Variants in NRG1 observed in about 807,000 individuals in gnomAD.
The protein encoded by NRG1 is neuregulin 1.
A neutral mutation model predicts 63.8 loss-of-function variants in NRG1; 18 were observed. The ratio of observed to expected loss-of-function variants is 0.28; its 90% CI spans 0.19 to 0.42. NRG1 has a LOEUF of 0.42. Among genes scored for constraint, NRG1 ranks in the 10% least tolerant of loss-of-function variants. The pLI is 1.00. For synonymous variants in NRG1, 302 were observed against 301.3 expected (o/e 1.00, Z -0.02); for missense variants, 762 against 814.7 (o/e 0.94, Z 0.79).
chr8:32,684,070 G>A (rs976617732), intron 5 of NRG1, among the ~76,000 whole-genome samples: 4 of 152,162 alleles, frequency 2.6e-5, no homozygotes, highest in South Asian at 2.1e-4. Flanking sequence ...ATTGGTGCAC[G>A]TCTGTGATCC....
chr8:31,835,178 G>T (rs759403181), intron 1 of NRG1, among the ~76,000 whole-genome samples: 16 of 152,242 alleles, frequency 1.1e-4, no homozygotes, highest in Non-Finnish European at 2.2e-4. Flanking sequence ...CTGTGAACTA[G>T]GAATTATGAA....
At chr8:32,258,578 G>T (rs184398559) in intron 1 of NRG1, among the ~76,000 whole-genome samples, 41 of 152,300 alleles carry the variant, frequency 2.7e-4, no homozygotes, top group African/African-American at 9.6e-4. Flanking sequence ...GTACAGTTAT[G>T]TGGAAGAGGA....
At chr8:32,517,712 A>G (rs1453117594) in intron 1 of NRG1, among the ~76,000 whole-genome samples, 4 of 152,276 alleles carry the variant, frequency 2.6e-5, no homozygotes, top group African/African-American at 9.6e-5. Context: ...CCTCATATGG[A>G]GCATAAAATA....
intron 1 of NRG1, among the ~76,000 whole-genome samples, chr8:31,957,408 T>C (rs1206439721): frequency 6.6e-6 from 1 of 152,180 alleles, no homozygotes; most frequent in Non-Finnish European, 1.5e-5. Context: ...TCTTTCTTTC[T>C]ATTTTTAAGT....
chr8:31,757,613 C>G (rs1235361967), intron 1 of NRG1, among the ~76,000 whole-genome samples: 7 of 152,016 alleles, frequency 4.6e-5, no homozygotes, highest in African/African-American at 1.7e-4. Context: ...GAAGATAAGA[C>G]TTGAAGAAAT....
At chr8:32,238,205 G>A (rs1272170278) in intron 1 of NRG1, among the ~76,000 whole-genome samples, 2 of 152,098 alleles carry the variant, frequency 1.3e-5, no homozygotes, top group Admixed American at 1.3e-4. Context: ...GCTCATGCCT[G>A]TAATCCCAGC....
chr8:32,019,254 A>G (rs1212226297), intron 1 of NRG1, among the ~76,000 whole-genome samples: 2 of 152,162 alleles, frequency 1.3e-5, no homozygotes, highest in African/African-American at 4.8e-5. Flanking sequence ...GCCTGCCACC[A>G]GGCCCGGCTA....
chr8:31,715,472 GAAT>G (rs1380388484), intron 1 of NRG1, among the ~76,000 whole-genome samples: 1 of 152,084 alleles, frequency 6.6e-6, no homozygotes, highest in Non-Finnish European at 1.5e-5. Flanking sequence ...ACAGAGGTAT[GAAT>G]AATAAGTTTA....
intron 1 of NRG1, among the ~76,000 whole-genome samples, chr8:31,849,053 A>AAATG (rs776202199): frequency 2.8e-4 from 43 of 152,212 alleles, no homozygotes; most frequent in Non-Finnish European, 5.1e-4. Flanking sequence ...AGAGTGTAAC[A>AAATG]AATGCACAAA....
At chr8:31,984,007 G>A (rs1014322746) in intron 1 of NRG1, among the ~76,000 whole-genome samples, 3 of 152,032 alleles carry the variant, frequency 2.0e-5, no homozygotes, top group Non-Finnish European at 4.4e-5. Flanking sequence ...GTCAAAGTGG[G>A]CAGAAGTCAT....
intron 1 of NRG1, among the ~76,000 whole-genome samples, chr8:32,225,036 A>G (rs1369842359): frequency 6.6e-6 from 1 of 152,208 alleles, no homozygotes; most frequent in Non-Finnish European, 1.5e-5. Context: ...GCATTCCTAA[A>G]GCAACATAAA....
chr8:31,997,102 AT>A (rs1317698616), intron 1 of NRG1, among the ~76,000 whole-genome samples: 1 of 151,540 alleles, frequency 6.6e-6, no homozygotes, highest in Non-Finnish European at 1.5e-5. Flanking sequence ...TATTGATTTA[AT>A]TTTTTAATTG....
intron 1 of NRG1, among the ~76,000 whole-genome samples, chr8:32,332,949 T>C (rs1160707953): frequency 6.6e-6 from 1 of 152,224 alleles, no homozygotes; most frequent in Non-Finnish European, 1.5e-5. Flanking sequence ...AAAGGTTACC[T>C]GGAATCCCAT....
chr8:32,208,145 A>G (rs997869855), intron 1 of NRG1, among the ~76,000 whole-genome samples: 1 of 152,220 alleles, frequency 6.6e-6, no homozygotes, highest in Non-Finnish European at 1.5e-5. Context: ...TTCTAACTAC[A>G]TTAGAAATAT....
At chr8:32,522,437 T>C (rs13252799) in intron 1 of NRG1, among the ~76,000 whole-genome samples, 24,641 of 152,236 alleles carry the variant, frequency 0.16, 2,217 homozygotes, top group Non-Finnish European at 0.19. Context: ...AAATCACCCT[T>C]GAATGAAAAG....
intron 5 of NRG1, among the ~76,000 whole-genome samples, chr8:32,724,656 A>G (rs1468400713): frequency 6.6e-6 from 1 of 152,184 alleles, no homozygotes; most frequent in South Asian, 2.1e-4. Context: ...GACAATTACA[A>G]CTTATTCCTG....
At chr8:32,174,711 C>A (rs571876667) in intron 1 of NRG1, among the ~76,000 whole-genome samples, 8 of 152,278 alleles carry the variant, frequency 5.3e-5, no homozygotes, top group African/African-American at 1.4e-4. Flanking sequence ...CATCTCTACA[C>A]AAATAAACTA....
At chr8:31,768,370 A>G (rs1262224438) in intron 1 of NRG1, among the ~76,000 whole-genome samples, 1 of 152,210 alleles carries the variant, frequency 6.6e-6, no homozygotes, top group East Asian at 1.9e-4. Flanking sequence ...CTTGTTTACC[A>G]AGCTCTTTGG....
chr8:32,289,330 C>T (rs1179890285), intron 1 of NRG1, among the ~76,000 whole-genome samples: 2 of 152,076 alleles, frequency 1.3e-5, no homozygotes, highest in Non-Finnish European at 2.9e-5. Context: ...GCAAGGACCC[C>T]TCTTGTTCTC....
Sources: gnomAD v4.1 joint callset for allele counts (sites outside exome capture counted in the v4.1 genomes callset) on GRCh38, gnomAD v4.1.1 for gene constraint, MANE v1.5 for transcripts, NCBI Gene and HGNC (gene_info 2026-07-23, HGNC 2026-07-21) for gene names.